Variants in CHRM3 observed in about 807,000 individuals in gnomAD.
CHRM3 encodes the protein cholinergic receptor muscarinic 3.
CHRM3 carries 11 observed loss-of-function variants against 41.8 expected under a neutral mutation model. The ratio of observed to expected loss-of-function variants is 0.26; its 90% CI spans 0.17 to 0.44. CHRM3 has a LOEUF of 0.44. CHRM3 is among the 20% of genes least tolerant of loss of function. The pLI is 1.00. For synonymous variants in CHRM3, 297 were observed against 301.4 expected, an observed-to-expected ratio of 0.99 and a Z score of 0.15; for missense variants, 571 against 745.4, an observed-to-expected ratio of 0.77 and a Z score of 2.72.
At chr1:239,588,519 G>A (rs573127322) in intron 3 of CHRM3, among the ~76,000 whole-genome samples, 1 of 152,246 alleles carries the variant, frequency 6.6e-6, no homozygotes, top group African/African-American at 2.4e-5. Context: ...ATTTTCAGAT[G>A]TTCTATTGCA....
intron 6 of CHRM3, chr1:239,886,692 A>G (rs993959854): frequency 6.6e-6 from 1 of 152,176 alleles, no homozygotes; most frequent in African/African-American, 2.4e-5. Flanking sequence ...CAGATCTCTA[A>G]TTAAGAATTT....
At chr1:239,654,218 C>T (rs754483730) in intron 4 of CHRM3, among the ~76,000 whole-genome samples, 1 of 152,092 alleles carries the variant, frequency 6.6e-6, no homozygotes, top group Non-Finnish European at 1.5e-5. Flanking sequence ...AATCCTCTTG[C>T]TTAGGCCTCG....
At chr1:239,803,886 G>T (rs1200668375) in intron 5 of CHRM3, among the ~76,000 whole-genome samples, 10 of 152,232 alleles carry the variant, frequency 6.6e-5, no homozygotes, top group Non-Finnish European at 1.5e-4. Context: ...ACTGCAGTAA[G>T]TCGTGATAGC....
At chr1:239,743,974 G>GT (rs748303241) in intron 5 of CHRM3, among the ~76,000 whole-genome samples, 7,966 of 127,966 alleles carry the variant, frequency 0.062, 374 homozygotes, top group African/African-American at 0.13. Flanking sequence ...TTTTTTTTAA[G>GT]TTTTTTTTTT....
intron 6 of CHRM3, among the ~76,000 whole-genome samples, chr1:239,894,731 C>T (rs1481848316): frequency 6.6e-6 from 1 of 152,142 alleles, no homozygotes; most frequent in South Asian, 2.1e-4. Flanking sequence ...CCGCGCCCGA[C>T]CGAGAAGTCT....
At chr1:239,640,532 G>C (rs7417169) in intron 4 of CHRM3, among the ~76,000 whole-genome samples, 103 of 152,264 alleles carry the variant, frequency 6.8e-4, no homozygotes, top group Admixed American at 1.4e-3. Context: ...ATTTCTTGTA[G>C]ATTTTCTAGT....
At chr1:239,790,604 C>A (rs544127048) in intron 5 of CHRM3, among the ~76,000 whole-genome samples, 122 of 152,320 alleles carry the variant, frequency 8.0e-4, no homozygotes, top group African/African-American at 2.8e-3. Flanking sequence ...ATAAATTACC[C>A]AGTCTTGGGT....
At chr1:239,602,534 T>C (rs1665731665) in intron 3 of CHRM3, among the ~76,000 whole-genome samples, 1 of 152,170 alleles carries the variant, frequency 6.6e-6, no homozygotes, top group Non-Finnish European at 1.5e-5. Flanking sequence ...AGGCACCTAA[T>C]ACATGTTTGT....
chr1:239,637,875 T>C (rs1025903278), intron 4 of CHRM3, among the ~76,000 whole-genome samples: 2 of 149,956 alleles, frequency 1.3e-5, no homozygotes, highest in African/African-American at 2.5e-5. Flanking sequence ...AACTCGTCAT[T>C]TAGCATTAGG....
At chr1:239,691,376 C>T (rs547802011) in intron 5 of CHRM3, among the ~76,000 whole-genome samples, 4 of 152,012 alleles carry the variant, frequency 2.6e-5, no homozygotes, top group Non-Finnish European at 5.9e-5. Context: ...AATTTTACCT[C>T]ACTCAACATG....
chr1:239,609,398 T>C (rs962289596), intron 3 of CHRM3, among the ~76,000 whole-genome samples: 17 of 152,228 alleles, frequency 1.1e-4, no homozygotes, highest in African/African-American at 3.9e-4. Context: ...TCCAGTCACC[T>C]CCATAGACAG....
At chr1:239,727,045 A>ATTATAGTG in intron 5 of CHRM3, among the ~76,000 whole-genome samples, 1 of 151,842 alleles carries the variant, frequency 6.6e-6, no homozygotes, top group Non-Finnish European at 1.5e-5. Flanking sequence ...TCTAAGCCAC[A>ATTATAGTG]ATTTTCTCAT....
chr1:239,741,716 A>G (rs1664866057), intron 5 of CHRM3, among the ~76,000 whole-genome samples: 1 of 152,086 alleles, frequency 6.6e-6, no homozygotes, highest in Admixed American at 6.6e-5. Context: ...CCCACACTAC[A>G]CACATATGTA....
chr1:239,806,855 A>C (rs11576950), intron 5 of CHRM3, among the ~76,000 whole-genome samples: 2,592 of 152,306 alleles, frequency 0.017, 40 homozygotes, highest in Non-Finnish European at 0.028. Context: ...GTGTACTTCC[A>C]TTACCTTTCA....
chr1:239,833,974 G>A (rs895689131), intron 6 of CHRM3, among the ~76,000 whole-genome samples: 1 of 152,138 alleles, frequency 6.6e-6, no homozygotes, highest in African/African-American at 2.4e-5. Context: ...CTATACAACA[G>A]CAGCAGGAAG....
chr1:239,396,131 G>A (rs748300749), intron 1 of CHRM3, among the ~76,000 whole-genome samples: 11 of 152,090 alleles, frequency 7.2e-5, no homozygotes, highest in East Asian at 3.9e-4. Context: ...CACTTGAAAC[G>A]AATTCATCTT....
chr1:239,464,357 T>G (rs1171725597), intron 1 of CHRM3, among the ~76,000 whole-genome samples: 1 of 152,010 alleles, frequency 6.6e-6, no homozygotes, highest in East Asian at 1.9e-4. Context: ...GTATATCTTA[T>G]TTTGCCACTT....
Position 239,846,003 on chromosome 1 carries a change from G to A in CHRM3, c.-20+18625G>A, listed in dbSNP as rs565484651. On this transcript the variant is annotated intron_variant, in intron 6 of 6. Transcript: ENST00000676153. ...ATAGGTGGGAAAATTTGTTAAGTGC[G>A]CACTAACAAAGCTTCAACTGTTGAA... 7.0e-4 allele frequency among the ~76,000 whole-genome samples: 107 copies of A among 152,228 alleles called. 2 individuals are homozygous for A. Among genetic ancestry groups the A allele is most frequent in the Middle Eastern group, 6.8e-3 (2 of 294 alleles).
intron 6 of CHRM3, among the ~76,000 whole-genome samples, chr1:239,838,284 T>A (rs1297779971): frequency 6.6e-6 from 1 of 152,188 alleles, no homozygotes; most frequent in African/African-American, 2.4e-5. Flanking sequence ...GAGCTCCAAC[T>A]TAATTGTAGA....
Sources: gnomAD v4.1 joint callset for allele counts (sites outside exome capture counted in the v4.1 genomes callset) on GRCh38, gnomAD v4.1.1 for gene constraint, MANE v1.5 for transcripts, NCBI Gene and HGNC (gene_info 2026-07-23, HGNC 2026-07-21) for gene names.